MGAM2: variants seen among roughly 807,000 people sequenced by gnomAD.
The protein encoded by MGAM2 is probable maltase-glucoamylase 2.
MGAM2 carries 98 observed loss-of-function variants against 96.1 expected under a neutral mutation model. The observed-to-expected ratio is 1.02, with a 90% CI of 0.87 to 1.21. The LOEUF (loss-of-function observed/expected upper bound fraction) is 1.21, where lower values mean the gene tolerates loss of function less well. Ranked by LOEUF, MGAM2 falls within the 50% of genes most tolerant of loss-of-function variation. The pLI is 0.00. For missense variants in MGAM2, 2,055 were observed against 1,182.4 expected (o/e 1.74, Z -10.82); for synonymous variants, 749 against 414.8 (o/e 1.81, Z -9.79).
intron 45 of MGAM2, among the ~76,000 whole-genome samples, chr7:142,201,096 T>TTTTTTTTTTTTTC: frequency 6.9e-6 from 1 of 144,322 alleles, no homozygotes. Context: ...TTTTTTTTTT[T>TTTTTTTTTTTTTC]TTGAGTCTCA....
chr7:142,137,921 G>A (rs979722404), intron 9 of MGAM2, among the ~76,000 whole-genome samples: 7 of 152,158 alleles, frequency 4.6e-5, no homozygotes, highest in African/African-American at 1.4e-4. Context: ...TATAGAAAAG[G>A]AAGACGCTTG....
At chr7:142,133,074 T>G (rs1259102539) in intron 6 of MGAM2, among the ~76,000 whole-genome samples, 1 of 134,742 alleles carries the variant, frequency 7.4e-6, no homozygotes, top group East Asian at 2.2e-4. Flanking sequence ...TATATTTAAT[T>G]TATATTTAAT....
intron 3 of MGAM2, among the ~76,000 whole-genome samples, chr7:142,123,857 A>G (rs1794656359): frequency 6.6e-6 from 1 of 151,066 alleles, no homozygotes; most frequent in African/African-American, 2.4e-5. Flanking sequence ...AGAAAAATAT[A>G]TTACTATCTT....
intron 3 of MGAM2, among the ~76,000 whole-genome samples, chr7:142,124,553 C>T (rs975368751): frequency 1.3e-5 from 2 of 152,092 alleles, no homozygotes; most frequent in Non-Finnish European, 2.9e-5. Context: ...ATTCTTTGCC[C>T]TTTAGGTTTC....
rs1198101473 is a variant in MGAM2 at position 142,116,877 on chromosome 7, G to A, written c.4G>A (p.Ala2Thr). The A allele has an allele frequency of 2.3e-5, 16 of 703,544 alleles. No individual in the cohort carries two copies. Among genetic ancestry groups the A allele is most frequent in the Non-Finnish European group, 4.2e-5 (16 of 385,096 alleles). The allele number at this position is 703,544 out of a possible 1,614,324, so 43.6% of individuals were successfully genotyped here. MARKLSVLEVLL... is the reference protein window; with the variant it reads MTRKLSVLEVLL... ...CCAATTATCTGTGTCTATCTAGATG[G>A]CGAGGAAGCTCAGTGTATTGGAAGT... Residue 2 changes from alanine to threonine, a missense_variant, in exon 2 of 48, where the codon GCG becomes ACG. Coordinates refer to ENST00000477922, the MANE Select transcript of MGAM2 (RefSeq NM_001293626.2).
intron 40 of MGAM2, among the ~76,000 whole-genome samples, 181 bp downstream of exon 40, chr7:142,196,997 C>A (rs1015099818): frequency 1.3e-5 from 2 of 152,074 alleles, no homozygotes; most frequent in Admixed American, 6.6e-5. Flanking sequence ...AGAAATATAC[C>A]TTTTCTCATC....
intron 24 of MGAM2, among the ~76,000 whole-genome samples, chr7:142,165,616 A>ATCTCAGC (rs1296636447): frequency 6.6e-6 from 1 of 152,150 alleles, no homozygotes; most frequent in Non-Finnish European, 1.5e-5. Flanking sequence ...TGGGGCTCCA[A>ATCTCAGC]TCTCAGCTCT....
intron 46 of MGAM2, among the ~76,000 whole-genome samples, chr7:142,212,001 A>G (rs1797601280): frequency 2.0e-5 from 3 of 152,230 alleles, no homozygotes; most frequent in Admixed American, 2.0e-4. Flanking sequence ...TGTCTGCAGA[A>G]ACCTCACAAG....
intron 45 of MGAM2, among the ~76,000 whole-genome samples, chr7:142,201,956 A>G (rs1797248703): frequency 1.4e-5 from 2 of 146,776 alleles, no homozygotes; most frequent in Admixed American, 7.0e-5. Flanking sequence ...ACCATGGAAG[A>G]CACCATGGAT....
At chr7:142,145,372 T>C (rs1419518015) in intron 14 of MGAM2, among the ~76,000 whole-genome samples, 2 of 152,042 alleles carry the variant, frequency 1.3e-5, no homozygotes, top group African/African-American at 2.4e-5. Flanking sequence ...TACCCTCCCT[T>C]CCTTCCTTCT....
At chr7:142,132,673 T>G (rs1449616926) in intron 6 of MGAM2, among the ~76,000 whole-genome samples, 1 of 126,692 alleles carries the variant, frequency 7.9e-6, no homozygotes, top group African/African-American at 3.1e-5. Context: ...AATAAATATA[T>G]TAATTATAAT....
chr7:142,118,779 C>A (rs1292511753), intron 2 of MGAM2, among the ~76,000 whole-genome samples: 1 of 150,824 alleles, frequency 6.6e-6, no homozygotes, highest in Non-Finnish European at 1.5e-5. Flanking sequence ...TTATTCAGGG[C>A]TTCCCTGGTA....
Position 142,221,641 on chromosome 7 carries a change from T to C in MGAM2, c.7130T>C (p.Ile2377Thr), listed in dbSNP as rs1000106551. The C allele has an allele frequency of 1.5e-5, 7 of 459,326 alleles. No individual in the cohort carries two copies. The highest frequency in any genetic ancestry group is 4.0e-5 in the African/African-American group (2 of 50,584). The allele number at this position is 459,326 out of a possible 1,614,324, so 28.5% of individuals were successfully genotyped here. A position where few individuals can be genotyped will look rare whatever the true frequency, so the allele number is the denominator to read the frequency against. ...AGTCCAGATACAACAGTTACTTCCA[T>C]AGACAAATTCACCACACACATCACA... ...TMSPDTTVTS[I>T]DKFTTHITQF... The change falls in exon 48 of 48, where the codon ATA becomes ACA. Residue 2377 changes from isoleucine to threonine, a missense_variant. By Grantham distance (89) the Ile-to-Thr change is moderately conservative (BLOSUM62 -1). Coordinates refer to ENST00000477922, the MANE Select transcript of MGAM2 (RefSeq NM_001293626.2).
intron 17 of MGAM2, among the ~76,000 whole-genome samples, chr7:142,156,525 A>T (rs1452423539): frequency 6.6e-6 from 1 of 152,250 alleles, no homozygotes; most frequent in Admixed American, 6.5e-5. Flanking sequence ...TGGAAAGTTT[A>T]CTTCCTCAGT....
At chr7:142,121,701 GTATATT>G (rs1186818768) in intron 3 of MGAM2, among the ~76,000 whole-genome samples, 3 of 150,064 alleles carry the variant, frequency 2.0e-5, no homozygotes, top group African/African-American at 7.3e-5. Context: ...TGTTTACACA[GTATATT>G]TATATTCTAT....
chr7:142,168,880 T>A (rs1364942426), intron 26 of MGAM2, among the ~76,000 whole-genome samples: 1 of 152,200 alleles, frequency 6.6e-6, no homozygotes, highest in Non-Finnish European at 1.5e-5. Context: ...GCATTTCTAG[T>A]GAATCTCAAT....
Position 142,207,093 on chromosome 7 carries a change from C to T in MGAM2, c.5138-1480C>T, listed in dbSNP as rs545219834. 2.7e-3 allele frequency among the ~76,000 whole-genome samples: 416 copies of T among 152,160 alleles called. 7 individuals are homozygous for T. The highest frequency in any genetic ancestry group is 3.4e-3 in the Middle Eastern group (1 of 294). On this transcript the variant is annotated intron_variant, in intron 45 of 47. Transcript: ENST00000477922. ...GGGAGAGAATATGTTGGAATACTGA[C>T]AAGAGTTGGAATGTTGAGAAGGGCC... is the stretch of plus-strand genomic sequence containing the variant.
rs1037149011 is a variant in MGAM2, at chr7:142,160,263, G to C, written c.2345+5G>C. Reference sequence around the variant, plus strand: ...AAACACAACCACAGAAGCCAGGTAAGCTCCTTACTCTTCTAAGGTATGACT... The same window carrying C: ...AAACACAACCACAGAAGCCAGGTAACCTCCTTACTCTTCTAAGGTATGACT... On this transcript the variant is annotated splice_donor_5th_base_variant and intron_variant, in intron 21 of 47. Transcript: ENST00000477922. 17 of 696,292 alleles carry C rather than the reference G, an allele frequency of 2.4e-5. No homozygotes were observed. The highest frequency in any genetic ancestry group is 4.1e-5 in the Admixed American group (2 of 49,100). The allele number at this position is 696,292 out of a possible 1,614,324, so 43.1% of individuals were successfully genotyped here. A position where few individuals can be genotyped will look rare whatever the true frequency, so the allele number is the denominator to read the frequency against.
intron 30 of MGAM2, 89 bp from the exon 31 acceptor site, chr7:142,173,140 G>A (rs1796251438): frequency 4.4e-6 from 3 of 674,854 alleles, no homozygotes; most frequent in Admixed American, 2.1e-5. Context: ...ACAGTACTTA[G>A]CAGAAACACT....
Sources: gnomAD v4.1 joint callset for allele counts (sites outside exome capture counted in the v4.1 genomes callset) on GRCh38, gnomAD v4.1.1 for gene constraint, MANE v1.5 for transcripts, NCBI Gene and HGNC (gene_info 2026-07-23, HGNC 2026-07-21) for gene names.